Variants in MRNIP observed in about 807,000 individuals in gnomAD.
The protein encoded by MRNIP is MRN complex-interacting protein.
A neutral mutation model predicts 29.8 loss-of-function variants in MRNIP; 30 were observed. That is an observed-to-expected ratio of 1.01 (90% CI 0.75 to 1.36). The LOEUF (loss-of-function observed/expected upper bound fraction) is 1.36. Ranked by LOEUF, MRNIP falls within the 40% of genes most tolerant of loss-of-function variation. The pLI, the probability that MRNIP is intolerant of heterozygous loss-of-function variation, is 0.00. For synonymous variants in MRNIP, 201 were observed against 164.1 expected (o/e 1.23, Z -1.72); for missense variants, 459 against 423.5 (o/e 1.08, Z -0.74).
chr5:179,851,797 T>A (rs1759379268), intron 2 of MRNIP, among the ~76,000 whole-genome samples: 2 of 151,786 alleles, frequency 1.3e-5, no homozygotes, highest in South Asian at 4.2e-4. Context: ...GCTAACATGG[T>A]GAAACCCCAT....
At chr5:179,841,062 G>A (rs1002403217) in intron 5 of MRNIP, 103 bp from the exon 6 acceptor site, 6 of 754,320 alleles carry the variant, frequency 8.0e-6, no homozygotes, top group Non-Finnish European at 1.3e-5. Flanking sequence ...CCACCTGCTT[G>A]TTCCTACGGC....
At chr5:179,838,188 A>C in intron 6 of MRNIP, 1 of 445,740 alleles carries the variant, frequency 2.2e-6, no homozygotes. Flanking sequence ...CCTACAAAAG[A>C]ATTTTGAGCA....
chr5:179,851,063 G>T, intron 2 of MRNIP: 1 of 375,152 alleles, frequency 2.7e-6, no homozygotes, highest in Non-Finnish European at 5.3e-6. Flanking sequence ...CAAGAGAAAC[G>T]TCTATTGTAT....
chr5:179,855,966 T>G (rs535664977), intron 1 of MRNIP, among the ~76,000 whole-genome samples: 2 of 149,578 alleles, frequency 1.3e-5, no homozygotes, highest in South Asian at 4.2e-4. Context: ...TGGAGCACTG[T>G]GGCGTGATCT....
chr5:179,850,475 T>C (rs772172769), intron 2 of MRNIP, among the ~76,000 whole-genome samples: 9 of 152,220 alleles, frequency 5.9e-5, no homozygotes, highest in Admixed American at 1.3e-4. Context: ...ATTCTTGATG[T>C]CCCGTGAGCA....
At chr5:179,858,149 G>A (rs1432645960) in intron 1 of MRNIP, among the ~76,000 whole-genome samples, 1 of 152,104 alleles carries the variant, frequency 6.6e-6, no homozygotes, top group Non-Finnish European at 1.5e-5. Context: ...CAGGGAGACA[G>A]GTGCGATCCG....
intron 2 of MRNIP, 114 bp downstream of exon 2, chr5:179,853,264 T>A: frequency 1.3e-6 from 2 of 1,590,714 alleles, no homozygotes; most frequent in Non-Finnish European, 1.7e-6. Context: ...AGGAGCTCCG[T>A]GTCTGGGGAA....
At chr5:179,855,909 T>TTTG (rs199663557) in intron 1 of MRNIP, among the ~76,000 whole-genome samples, 5 of 144,056 alleles carry the variant, frequency 3.5e-5, no homozygotes, top group African/African-American at 1.3e-4. Context: ...GAAAAGTTGT[T>TTTG]TTTTTTTTTT....
At chr5:179,854,223 T>C (rs914962932) in intron 1 of MRNIP, among the ~76,000 whole-genome samples, 17 of 151,762 alleles carry the variant, frequency 1.1e-4, no homozygotes, top group African/African-American at 3.6e-4. Context: ...GGTTTCACCG[T>C]GTTGGCCAGG....
Position 179,853,408 on chromosome 5 carries a change from T to C in MRNIP, c.96A>G (p.Lys32=). 1 of 1,613,024 alleles carries C rather than the reference T, an allele frequency of 6.2e-7. No individual in the cohort carries two copies. Residue 32 remains lysine (K), a synonymous_variant, in exon 2 of 7, where the codon AAA becomes AAG. Coordinates refer to ENST00000292586, the MANE Select transcript of MRNIP (RefSeq NM_016175.4). The stretch of plus-strand genomic sequence containing the variant: ...AAAAGGACTGCTTCTCTCCACAAGC[T>C]TTGCATGTCCACTTGACACTCTTTT... The part of the protein sequence containing the change: ...QVKKSVKWTC[K]ACGEKQSFLQ...
chr5:179,844,930 CTG>C lies in MRNIP; in HGVS notation c.216-705_216-704del, dbSNP rs146862980. On this transcript the variant is annotated intron_variant, in intron 3 of 6. Transcript: ENST00000292586. ...ATGCTTTTATCCAGTTTGGGATTTACTGTGTTTCCTTAATCTAAAAATGTTAT... is the reference window on the plus strand; with the variant it reads ...ATGCTTTTATCCAGTTTGGGATTTACTGTTTCCTTAATCTAAAAATGTTAT... Among the ~76,000 whole-genome samples, 1,063 of 152,270 alleles carry C rather than the reference CTG, an allele frequency of 7.0e-3. 15 individuals carry two copies. Among genetic ancestry groups the C allele is most frequent in the African/African-American group, 0.025 (1,038 of 41,558 alleles).
Position 179,842,034 on chromosome 5 carries a change from GC to G in MRNIP, c.321del (p.Trp107CysfsTer2), listed in dbSNP as rs1221028563. ...QEKSQPSESR[W>X]LKYLEKDSQE... is the part of the protein sequence containing the mutation. ...TGGGAGTCCTTTTCTAGATACTTCA[GC>G]CAGCGACTCTCTGAGGGCTGCGATT... On this transcript the variant is annotated frameshift_variant, in exon 5 of 7. Coordinates refer to ENST00000292586, the MANE Select transcript of MRNIP (RefSeq NM_016175.4). LOFTEE classifies it high-confidence loss of function. The G allele has an allele frequency of 6.2e-7, 1 of 1,614,074 alleles. No homozygotes were observed. Among genetic ancestry groups the G allele is most frequent in the Non-Finnish European group, 8.5e-7 (1 of 1,180,000 alleles).
intron 6 of MRNIP, 50 bp downstream of exon 6, chr5:179,840,818 TCACA>T (rs1203436846): frequency 8.1e-7 from 1 of 1,229,692 alleles, no homozygotes; most frequent in East Asian, 2.5e-5. Flanking sequence ...GACAGAATTA[TCACA>T]CACACGCTCA....
rs778025039 is a variant in MRNIP at position 179,856,596 on chromosome 5, G to C, written c.66+2135C>G. 1.9e-4 allele frequency among the ~76,000 whole-genome samples: 29 copies of C among 152,134 alleles called. 1 individual carries two copies. The highest frequency in any genetic ancestry group is 4.4e-5 in the Non-Finnish European group (3 of 68,040). On this transcript the variant is annotated intron_variant, in intron 1 of 6. Transcript: ENST00000292586. ...GCGATTCTCCTGCCTCAGCGACCCT[G>C]AGTAGCTAGGACTACAGATGCGCGC...
At chr5:179,838,281 C>T (rs561785790) in intron 6 of MRNIP, 6 of 244,360 alleles carry the variant, frequency 2.5e-5, no homozygotes, top group South Asian at 6.1e-5. Context: ...CAGAGCCTGC[C>T]GGGTTCTGCA....
At chr5:179,858,599 C>T in intron 1 of MRNIP, 132 bp downstream of exon 1, 2 of 598,724 alleles carry the variant, frequency 3.3e-6, no homozygotes, top group South Asian at 4.5e-5. Flanking sequence ...ATGAGACCCG[C>T]CCTCAGCGGT....
intron 5 of MRNIP, 27 bp from the exon 6 acceptor site, chr5:179,840,986 C>T: frequency 2.0e-6 from 3 of 1,523,062 alleles, no homozygotes; most frequent in Non-Finnish European, 2.7e-6. Context: ...GTCAGTAGTC[C>T]CGTGCTACTC....
rs765347184 is a variant in MRNIP, at chr5:179,837,671, T to C, written c.752A>G (p.Gln251Arg). 6.2e-7 allele frequency: 1 copy of C among 1,614,232 alleles called. No homozygotes were observed. Among genetic ancestry groups the C allele is most frequent in the East Asian group, 2.2e-5 (1 of 44,892 alleles). The change falls in exon 7 of 7, where the codon CAG becomes CGG. Residue 251 changes from glutamine (Q) to arginine (R), a missense_variant. Transcript: ENST00000292586. The stretch of plus-strand genomic sequence containing the variant: ...TGGACCAGCTGGCCTGGGGTCCCTC[T>C]GAAGAGACCTTGGCTGCTCACTGTC... ...HVDSEQPRSL[Q>R]RDPRPAGPAQ... is the part of the protein sequence containing the mutation.
intron 3 of MRNIP, among the ~76,000 whole-genome samples, chr5:179,845,416 T>C (rs1231832960): frequency 6.6e-6 from 1 of 152,078 alleles, no homozygotes; most frequent in Non-Finnish European, 1.5e-5. Context: ...CCCAAATTGC[T>C]AGGATTACAG....
Sources: gnomAD v4.1 joint callset for allele counts (sites outside exome capture counted in the v4.1 genomes callset) on GRCh38, gnomAD v4.1.1 for gene constraint, MANE v1.5 for transcripts, NCBI Gene and HGNC (gene_info 2026-07-23, HGNC 2026-07-21) for gene names.